The following CDC73 variants were observed in gnomAD, a reference collection of about 807,000 sequenced individuals.
CDC73 encodes cell division cycle 73, also known as parafibromin.
Under a neutral mutation model 83.7 loss-of-function variants are expected in CDC73, and 21 were observed. The observed-to-expected ratio is 0.25, with a 90% CI of 0.18 to 0.36. The LOEUF (loss-of-function observed/expected upper bound fraction) is 0.36, where lower values mean the gene tolerates loss of function less well. Ranked by LOEUF, CDC73 falls within the 10% of genes least tolerant of loss-of-function variation. The pLI is 1.00. For synonymous variants in CDC73, 224 were observed against 212.9 expected, an observed-to-expected ratio of 1.05 and a Z score of -0.45; for missense variants, 342 against 653.3, an observed-to-expected ratio of 0.52 and a Z score of 5.19.
intron 10 of CDC73, among the ~76,000 whole-genome samples, chr1:193,200,777 G>T (rs989107530): frequency 6.6e-6 from 1 of 151,966 alleles, no homozygotes; most frequent in Non-Finnish European, 1.5e-5. Context: ...GTGTGTGTGC[G>T]CGCGTGCGTA....
chr1:193,249,478 AT>A (rs1301263031), intron 15 of CDC73, among the ~76,000 whole-genome samples: 1 of 151,882 alleles, frequency 6.6e-6, no homozygotes, highest in Non-Finnish European at 1.5e-5. Context: ...TTGCACTCTT[AT>A]GTTTCTGTGA....
intron 13 of CDC73, among the ~76,000 whole-genome samples, chr1:193,221,505 A>T (rs901184522): frequency 3.3e-5 from 5 of 152,198 alleles, no homozygotes; most frequent in African/African-American, 1.2e-4. Context: ...AAAAAAATAA[A>T]TATATCTAAC....
intron 13 of CDC73, among the ~76,000 whole-genome samples, chr1:193,218,288 T>G (rs148415661): frequency 0.012 from 1,860 of 152,222 alleles, 19 homozygotes; most frequent in South Asian, 0.034. Context: ...CGAAAAACAT[T>G]TCATGTGCAT....
intron 13 of CDC73, among the ~76,000 whole-genome samples, chr1:193,224,761 C>G (rs912227994): frequency 8.5e-5 from 13 of 152,056 alleles, no homozygotes; most frequent in Non-Finnish European, 1.8e-4. Flanking sequence ...ATGGTTTTAT[C>G]AAAATAATTA....
chr1:193,210,605 T>C (rs556896688), intron 11 of CDC73, among the ~76,000 whole-genome samples: 2 of 152,246 alleles, frequency 1.3e-5, no homozygotes, highest in African/African-American at 4.8e-5. Flanking sequence ...TACAAACATA[T>C]GGGCCAGGCT....
At chr1:193,178,304 A>G (rs192963612) in intron 10 of CDC73, among the ~76,000 whole-genome samples, 86 of 152,288 alleles carry the variant, frequency 5.6e-4, no homozygotes, top group Non-Finnish European at 9.6e-4. Flanking sequence ...AGAAATTTAC[A>G]TAGATTTTAT....
intron 7 of CDC73, among the ~76,000 whole-genome samples, chr1:193,145,438 G>T (rs1675979209): frequency 1.3e-5 from 2 of 152,134 alleles, no homozygotes; most frequent in African/African-American, 2.4e-5. Context: ...TGTAGAAGCT[G>T]ATCTGAGAAT....
At chr1:193,207,954 A>G (rs949108596) in intron 11 of CDC73, among the ~76,000 whole-genome samples, 3 of 152,210 alleles carry the variant, frequency 2.0e-5, no homozygotes, top group East Asian at 1.9e-4. Context: ...GTTATCTCCA[A>G]TTCAAACCTC....
rs367704451 is a variant in CDC73 at position 193,251,795 on chromosome 1, A to G, written c.*1083A>G. The stretch of plus-strand genomic sequence containing the variant: ...TTCTCTACTTCAGACAAAATGTTGC[A>G]TCCAAGGTACATCAAGTGACCATTT... On this transcript the variant is annotated 3_prime_UTR_variant, in exon 17 of 17. Transcript: ENST00000367435. 4.3e-6 allele frequency: 1 copy of G among 231,500 alleles called. No individual in the cohort carries two copies. Among genetic ancestry groups the G allele is most frequent in the Non-Finnish European group, 8.6e-6 (1 of 116,952 alleles). 14.3% of individuals were successfully genotyped at this position (231,500 alleles called of 1,614,324 possible). A position where few individuals can be genotyped will look rare whatever the true frequency, so the allele number is the denominator to read the frequency against.
chr1:193,235,255 C>T (rs1437086578), intron 14 of CDC73, among the ~76,000 whole-genome samples: 1 of 152,158 alleles, frequency 6.6e-6, no homozygotes, highest in Non-Finnish European at 1.5e-5. Flanking sequence ...CTCTTCTTCT[C>T]TTCTTCCTTT....
In CDC73 at chr1:193,186,559, A is replaced by T. The variant is rs533739212; in HGVS notation, c.973-17236A>T. On this transcript the variant is annotated intron_variant, in intron 10 of 16. Coordinates refer to ENST00000367435, the MANE Select transcript of CDC73 (RefSeq NM_024529.5). ...CAGTTTTAATGGGGTTTTAGTCTAT[A>T]ATATGAAATCCACGGTTCCTCAGCT... 2.0e-5 allele frequency: 3 copies of T among 152,534 alleles called. No individual in the cohort carries two copies. In the East Asian group the frequency reaches 5.8e-4, roughly 29 times the overall value. The allele number at this position is 152,534 out of a possible 1,614,324, so 9.4% of individuals were successfully genotyped here.
At chr1:193,204,846 G>C (rs1677159527) in intron 11 of CDC73, among the ~76,000 whole-genome samples, 1 of 152,102 alleles carries the variant, frequency 6.6e-6, no homozygotes, top group Non-Finnish European at 1.5e-5. Context: ...TTCTCTCATA[G>C]TTCCGTGGTA....
chr1:193,229,018 TATC>T (rs1299350263), intron 13 of CDC73, among the ~76,000 whole-genome samples: 1 of 152,194 alleles, frequency 6.6e-6, no homozygotes, highest in Non-Finnish European at 1.5e-5. Flanking sequence ...AAATTCTCAG[TATC>T]ATCAGTTGTT....
intron 8 of CDC73, among the ~76,000 whole-genome samples, chr1:193,148,991 C>A (rs572594019): frequency 1.3e-3 from 191 of 152,158 alleles, no homozygotes; most frequent in Non-Finnish European, 2.4e-3. Context: ...ACAGCCTTTG[C>A]AACTACTTTG....
intron 10 of CDC73, among the ~76,000 whole-genome samples, chr1:193,167,940 A>T (rs1676459473): frequency 6.6e-6 from 1 of 152,082 alleles, no homozygotes; most frequent in South Asian, 2.1e-4. Context: ...GGCTTACTGC[A>T]ACCTCTGCCT....
chr1:193,123,845 A>G (rs150462592), intron 1 of CDC73, among the ~76,000 whole-genome samples: 31 of 152,312 alleles, frequency 2.0e-4, no homozygotes, highest in African/African-American at 7.2e-4. Context: ...GTTGATGTGA[A>G]ATGCTTTCTA....
intron 2 of CDC73, among the ~76,000 whole-genome samples, chr1:193,129,058 C>T (rs534352403): frequency 6.9e-6 from 1 of 145,688 alleles, no homozygotes; most frequent in Non-Finnish European, 1.5e-5. Context: ...AGTACAGTGG[C>T]GTGATCTCGG....
At chr1:193,235,010 T>G (rs1459595039) in intron 14 of CDC73, among the ~76,000 whole-genome samples, 4 of 152,130 alleles carry the variant, frequency 2.6e-5, no homozygotes, top group Admixed American at 2.6e-4. Context: ...TTTGCTTGAA[T>G]AGAAGGTAAC....
intron 11 of CDC73, among the ~76,000 whole-genome samples, chr1:193,204,261 G>GTC (rs1677146444): frequency 7.8e-6 from 1 of 128,520 alleles, no homozygotes; most frequent in East Asian, 2.1e-4. Flanking sequence ...GTATGTGTGT[G>GTC]TGTGTGTGTG....
Sources: allele counts gnomAD v4.1 joint callset (sites outside exome capture counted in the v4.1 genomes callset), GRCh38; gene constraint gnomAD v4.1.1; transcripts MANE v1.5; gene names NCBI Gene and HGNC (gene_info 2026-07-23, HGNC 2026-07-21).